FER1L6: variants seen among roughly 807,000 people sequenced by gnomAD.
FER1L6 encodes the protein fer-1 like family member 6.
A neutral mutation model predicts 219.2 loss-of-function variants in FER1L6; 177 were observed. The observed-to-expected ratio is 0.81, with a 90% confidence interval of 0.71 to 0.91. The LOEUF (loss-of-function observed/expected upper bound fraction) is 0.91. Among genes scored for constraint, FER1L6 ranks in the 40% least tolerant of loss-of-function variants. FER1L6 has a pLI of 0.00. For synonymous variants in FER1L6, 768 were observed against 824.3 expected, an observed-to-expected ratio of 0.93 and a Z score of 1.17; for missense variants, 2,153 against 2,259.9, an observed-to-expected ratio of 0.95 and a Z score of 0.96.
chr8:124,000,799 A>G (rs1381462471), intron 12 of FER1L6, among the ~76,000 whole-genome samples: 1 of 152,222 alleles, frequency 6.6e-6, no homozygotes, highest in Non-Finnish European at 1.5e-5. Context: ...GCAGAAAAAA[A>G]TAGAGATGAA....
intron 22 of FER1L6, among the ~76,000 whole-genome samples, chr8:124,052,284 TCTAA>T (rs777357894): frequency 2.0e-5 from 3 of 152,222 alleles, no homozygotes; most frequent in African/African-American, 7.2e-5. Context: ...GTTTTATCCT[TCTAA>T]CTACTTGTAG....
chr8:123,921,430 T>A (rs909788100), intron 1 of FER1L6, among the ~76,000 whole-genome samples: 2 of 152,176 alleles, frequency 1.3e-5, no homozygotes, highest in Non-Finnish European at 2.9e-5. Flanking sequence ...AGTCGTGCCA[T>A]CTTGCCTCAC....
intron 22 of FER1L6, among the ~76,000 whole-genome samples, chr8:124,058,207 T>C (rs1432378392): frequency 6.6e-6 from 1 of 152,188 alleles, no homozygotes; most frequent in Non-Finnish European, 1.5e-5. Flanking sequence ...ACTAGGGTCA[T>C]GCATGACCCT....
At chr8:124,112,617 T>C (rs1823068257) in intron 39 of FER1L6, among the ~76,000 whole-genome samples, 1 of 152,246 alleles carries the variant, frequency 6.6e-6, no homozygotes. Context: ...AGGTAAATTC[T>C]ATCCCTGGTA....
intron 1 of FER1L6, among the ~76,000 whole-genome samples, chr8:123,905,952 T>C (rs575765231): frequency 4.3e-4 from 66 of 152,282 alleles, no homozygotes; most frequent in African/African-American, 1.5e-3. Context: ...GGATATTGCA[T>C]TGAAGAACAG....
chr8:123,975,343 A>T (rs1477466925), intron 8 of FER1L6, 37 bp downstream of exon 8: 4 of 1,538,686 alleles, frequency 2.6e-6, no homozygotes, highest in Non-Finnish European at 3.5e-6. Context: ...CATAGAAATG[A>T]TATGTCCAAT....
intron 28 of FER1L6, among the ~76,000 whole-genome samples, chr8:124,068,843 C>T (rs866149592): frequency 2.0e-5 from 3 of 152,134 alleles, no homozygotes; most frequent in Admixed American, 6.5e-5. Context: ...CATGGGGTGC[C>T]CTGCAGTCAG....
At chr8:123,948,290 G>A (rs1375742317) in intron 1 of FER1L6, among the ~76,000 whole-genome samples, 2 of 152,182 alleles carry the variant, frequency 1.3e-5, no homozygotes, top group African/African-American at 4.8e-5. Context: ...CAAAGCCAGG[G>A]CTTTCAATCT....
Position 124,015,165 on chromosome 8 carries a change from A to T in FER1L6, c.1922+1634A>T, listed in dbSNP as rs535414238. Among the ~76,000 whole-genome samples, 187 of 152,234 alleles carry T rather than the reference A, an allele frequency of 1.2e-3. 2 individuals carry two copies. Among genetic ancestry groups the T allele is most frequent in the African/African-American group, 4.4e-3 (181 of 41,546 alleles). Reference sequence around the variant, plus strand: ...AGCAAGACAGAAGTCAGAGTCTCCCATGCCTAGTCTTGGAAGTGACAGCCC... The same window carrying T: ...AGCAAGACAGAAGTCAGAGTCTCCCTTGCCTAGTCTTGGAAGTGACAGCCC... On this transcript the variant is annotated intron_variant, in intron 15 of 40. Transcript: ENST00000522917.
At chr8:123,889,978 T>C (rs1291798823) in intron 1 of FER1L6, among the ~76,000 whole-genome samples, 1 of 152,120 alleles carries the variant, frequency 6.6e-6, no homozygotes, top group East Asian at 1.9e-4. Context: ...TAGTAAAATA[T>C]TCTTTAAAAC....
At chr8:123,997,404 G>A (rs984293915) in intron 12 of FER1L6, among the ~76,000 whole-genome samples, 3 of 152,110 alleles carry the variant, frequency 2.0e-5, no homozygotes, top group Non-Finnish European at 4.4e-5. Flanking sequence ...GAGCTTCTTT[G>A]TATGTTATTT....
intron 18 of FER1L6, among the ~76,000 whole-genome samples, chr8:124,032,185 G>A (rs1183820249): frequency 1.3e-5 from 2 of 152,158 alleles, no homozygotes; most frequent in Non-Finnish European, 2.9e-5. Context: ...AGCACTTTGG[G>A]AGGCCGAGGC....
At chr8:123,954,080 C>T (rs1459481079) in intron 1 of FER1L6, among the ~76,000 whole-genome samples, 1 of 152,118 alleles carries the variant, frequency 6.6e-6, no homozygotes, top group Non-Finnish European at 1.5e-5. Context: ...TGCTACATTA[C>T]CTCATTTTAT....
At chr8:124,039,096 G>A (rs901354913) in intron 19 of FER1L6, among the ~76,000 whole-genome samples, 1 of 152,094 alleles carries the variant, frequency 6.6e-6, no homozygotes, top group African/African-American at 2.4e-5. Flanking sequence ...CCAGCACAGT[G>A]TGCTCACTCC....
intron 1 of FER1L6, among the ~76,000 whole-genome samples, chr8:123,912,773 A>T (rs184795360): frequency 1.1e-3 from 170 of 152,352 alleles, no homozygotes; most frequent in Admixed American, 1.8e-3. Context: ...AAGGTTAAAA[A>T]TAAAAGAAAA....
chr8:124,044,657 C>A (rs1486581320), intron 20 of FER1L6, among the ~76,000 whole-genome samples: 2 of 152,348 alleles, frequency 1.3e-5, no homozygotes, highest in Non-Finnish European at 1.5e-5. Flanking sequence ...TATGAAATCA[C>A]TCATTTGCCT....
intron 9 of FER1L6, among the ~76,000 whole-genome samples, chr8:123,976,589 A>G (rs1214987905): frequency 6.6e-6 from 1 of 151,950 alleles, no homozygotes; most frequent in African/African-American, 2.4e-5. Context: ...ATTGGAGAAA[A>G]TGGAAAGGAG....
In FER1L6 at chr8:124,003,207, G is replaced by T. The variant is rs1462325139; in HGVS notation, c.1560G>T (p.Gly520=). 6.2e-7 allele frequency: 1 copy of T among 1,614,090 alleles called. No individual in the cohort carries two copies. The highest frequency in any genetic ancestry group is 8.5e-7 in the Non-Finnish European group (1 of 1,179,992). Residue 520 remains glycine, a synonymous_variant, in exon 13 of 41, where the codon GGG becomes GGT. Transcript: ENST00000522917. The stretch of plus-strand genomic sequence containing the variant: ...TGATTGATGGAGGATCCCATCATGG[G>T]AGTAAGAAGTCAGCTGAATCAGCTG... ...GNLIDGGSHH[G]SKKSAESAEE...
At chr8:124,066,780 T>C (rs1249770091) in intron 27 of FER1L6, among the ~76,000 whole-genome samples, 1 of 152,174 alleles carries the variant, frequency 6.6e-6, no homozygotes, top group Admixed American at 6.5e-5. Context: ...AGCTCTGCTG[T>C]AAATACTGGA....
Sources: gnomAD v4.1 joint callset for allele counts (sites outside exome capture counted in the v4.1 genomes callset) on GRCh38, gnomAD v4.1.1 for gene constraint, MANE v1.5 for transcripts, NCBI Gene and HGNC (gene_info 2026-07-23, HGNC 2026-07-21) for gene names.